HS3ST2: variants seen among roughly 807,000 people sequenced by gnomAD.
HS3ST2 encodes heparan sulfate glucosamine 3-O-sulfotransferase 2.
Under a neutral mutation model 26.3 loss-of-function variants are expected in HS3ST2, and 17 were observed. The ratio of observed to expected loss-of-function variants is 0.65; its 90% confidence interval spans 0.44 to 0.97. The LOEUF (loss-of-function observed/expected upper bound fraction) is 0.97. HS3ST2 is among the 50% of genes least tolerant of loss of function. The pLI is 0.00. For missense variants in HS3ST2, 402 were observed against 501.2 expected (o/e 0.80, Z 1.89); for synonymous variants, 237 against 219.2 (o/e 1.08, Z -0.72).
intron 1 of HS3ST2, among the ~76,000 whole-genome samples, chr16:22,835,844 G>T (rs1271528554): frequency 6.6e-6 from 1 of 152,126 alleles, no homozygotes; most frequent in East Asian, 1.9e-4. Context: ...CAGCAACTTA[G>T]CTTCTTTATT....
chr16:22,858,460 A>G (rs531208666), intron 1 of HS3ST2, among the ~76,000 whole-genome samples: 3 of 152,168 alleles, frequency 2.0e-5, no homozygotes, highest in African/African-American at 7.2e-5. Flanking sequence ...AAGACAATCA[A>G]GATGTTTTAT....
intron 1 of HS3ST2, among the ~76,000 whole-genome samples, chr16:22,898,477 G>A (rs1596630500): frequency 6.6e-6 from 1 of 152,172 alleles, no homozygotes; most frequent in East Asian, 1.9e-4. Context: ...TATTCTAACT[G>A]AGACCTGAGC....
intron 1 of HS3ST2, among the ~76,000 whole-genome samples, chr16:22,857,375 T>C (rs1030999259): frequency 1.3e-5 from 2 of 152,216 alleles, no homozygotes; most frequent in Non-Finnish European, 2.9e-5. Flanking sequence ...AGAAAGCACC[T>C]CTTTGTGATT....
At chr16:22,820,176 C>CCG (rs1306873030) in intron 1 of HS3ST2, among the ~76,000 whole-genome samples, 1 of 152,190 alleles carries the variant, frequency 6.6e-6, no homozygotes, top group African/African-American at 2.4e-5. Flanking sequence ...TAAACCCCCC[C>CCG]CCATTTGTCT....
chr16:22,868,177 G>A (rs1168992935), intron 1 of HS3ST2, among the ~76,000 whole-genome samples: 2 of 152,074 alleles, frequency 1.3e-5, no homozygotes, highest in Admixed American at 1.3e-4. Context: ...GGAGGCGGAG[G>A]TGGGCAGATC....
intron 1 of HS3ST2, among the ~76,000 whole-genome samples, chr16:22,846,606 A>G (rs888543496): frequency 1.3e-5 from 2 of 152,178 alleles, no homozygotes; most frequent in African/African-American, 4.8e-5. Context: ...CACCGATTAG[A>G]CTGGCAAAAA....
At chr16:22,850,793 CA>C (rs1281817170) in intron 1 of HS3ST2, among the ~76,000 whole-genome samples, 4 of 152,040 alleles carry the variant, frequency 2.6e-5, no homozygotes, top group Non-Finnish European at 5.9e-5. Flanking sequence ...TCTCAAAAAA[CA>C]AAAACAACAG....
intron 1 of HS3ST2, among the ~76,000 whole-genome samples, chr16:22,865,252 G>A (rs1330478883): frequency 2.0e-5 from 3 of 151,846 alleles, no homozygotes; most frequent in Non-Finnish European, 2.9e-5. Flanking sequence ...TGTAAATAAT[G>A]TCCAAAAAAA....
chr16:22,815,005 A>C lies in HS3ST2; in HGVS notation c.395A>C (p.Glu132Ala), dbSNP rs747676458. ...VKKGGTRAVL[E>A]FIRVHPDVRA... ...AAGGGGGGCACCCGGGCCGTGCTGGAGTTTATCCGAGTACACCCGGACGTG... is the reference window on the plus strand; with the variant it reads ...AAGGGGGGCACCCGGGCCGTGCTGGCGTTTATCCGAGTACACCCGGACGTG... Residue 132 changes from glutamate to alanine, a missense_variant, in exon 1 of 2, where the codon GAG (glutamate) becomes GCG (alanine). Around this residue, in one of 2 missense-constraint regions of HS3ST2, gnomAD observed 237 missense variants for 346.6 expected, o/e 0.68. Transcript: ENST00000261374. 6.2e-7 allele frequency: 1 copy of C among 1,613,064 alleles called. No individual in the cohort carries two copies. Among genetic ancestry groups the C allele is most frequent in the Non-Finnish European group, 8.5e-7 (1 of 1,179,986 alleles).
intron 1 of HS3ST2, among the ~76,000 whole-genome samples, chr16:22,845,561 C>T (rs1025134588): frequency 2.0e-5 from 3 of 150,812 alleles, no homozygotes; most frequent in African/African-American, 7.3e-5. Flanking sequence ...CTATGTTGGC[C>T]AGGCTGGTCT....
At chr16:22,862,069 T>A (rs1013936405) in intron 1 of HS3ST2, among the ~76,000 whole-genome samples, 1 of 152,142 alleles carries the variant, frequency 6.6e-6, no homozygotes, top group Admixed American at 6.5e-5. Context: ...GCTCCATGAG[T>A]AGGGGTTTTT....
intron 1 of HS3ST2, among the ~76,000 whole-genome samples, chr16:22,865,824 A>T (rs912969760): frequency 6.6e-6 from 1 of 152,180 alleles, no homozygotes; most frequent in African/African-American, 2.4e-5. Flanking sequence ...TGGGGGGAAA[A>T]TGTGTAGTAG....
chr16:22,844,941 G>A (rs770013617), intron 1 of HS3ST2, among the ~76,000 whole-genome samples: 6 of 151,028 alleles, frequency 4.0e-5, no homozygotes, highest in Admixed American at 6.6e-5. Context: ...TGCAAGCTTC[G>A]CCTCCCAGGT....
intron 1 of HS3ST2, among the ~76,000 whole-genome samples, chr16:22,868,405 CAAA>C (rs77630354): frequency 4.6e-5 from 2 of 43,506 alleles, no homozygotes; most frequent in Non-Finnish European, 9.8e-5. Context: ...AAGACTCCAT[CAAA>C]AAAAAAAAAA....
chr16:22,900,409 G>C (rs1902267075), intron 1 of HS3ST2, among the ~76,000 whole-genome samples: 1 of 152,184 alleles, frequency 6.6e-6, no homozygotes, highest in Non-Finnish European at 1.5e-5. Context: ...AAGCTAGAAA[G>C]TAGAGCCTAG....
intron 1 of HS3ST2, among the ~76,000 whole-genome samples, chr16:22,904,629 G>C (rs916401299): frequency 1.6e-4 from 24 of 152,166 alleles, no homozygotes; most frequent in African/African-American, 5.3e-4. Context: ...TCATGCAAAG[G>C]GTACAACATG....
In HS3ST2 at chr16:22,867,528, TAAAC is replaced by T. The variant is rs1420157235; in HGVS notation, c.486-47413_486-47410del. On this transcript the variant is annotated intron_variant, in intron 1 of 1. Coordinates refer to ENST00000261374, the MANE Select transcript of HS3ST2 (RefSeq NM_006043.2). ...TTATGACATATAAACAAGAAAGAGATAAACAACCTAACAAGTTGTGCAATGAACA... is the reference window on the plus strand; with the variant it reads ...TTATGACATATAAACAAGAAAGAGATAACCTAACAAGTTGTGCAATGAACA... Among the ~76,000 whole-genome samples the T allele has an allele frequency of 2.0e-5, 3 of 152,240 alleles. No homozygotes were observed. In the East Asian group the frequency reaches 5.8e-4, roughly 29 times the overall value.
rs369600173 is a variant in HS3ST2, at chr16:22,897,653, C to T, written c.486-17291C>T. ...TTCTAAAATACATTAAAATAAGCATCTTTGCCTTGCCTAACTTTAATGAGA... is the reference window on the plus strand; with the variant it reads ...TTCTAAAATACATTAAAATAAGCATTTTTGCCTTGCCTAACTTTAATGAGA... On this transcript the variant is annotated intron_variant, in intron 1 of 1. Coordinates refer to ENST00000261374, the MANE Select transcript of HS3ST2 (RefSeq NM_006043.2). Among the ~76,000 whole-genome samples, 15 of 24,846 alleles carry T rather than the reference C, an allele frequency of 6.0e-4. 3 individuals are homozygous for T. The Admixed American group carries it at 6.5e-3, about 11-fold the overall frequency. The allele number at this position is 24,846 out of a possible 152,430, so 16.3% of individuals were successfully genotyped here.
In HS3ST2 at chr16:22,853,131, C is replaced by A. The variant is rs149765249; in HGVS notation, c.485+38036C>A. On this transcript the variant is annotated intron_variant, in intron 1 of 1. Transcript: ENST00000261374. Reference sequence around the variant, plus strand: ...TTTACATCTGCACACACCTGTGTAACCAGTACCCAGATCAAGGTCTGGGAC... The same window carrying A: ...TTTACATCTGCACACACCTGTGTAAACAGTACCCAGATCAAGGTCTGGGAC... Among the ~76,000 whole-genome samples the A allele has an allele frequency of 4.1e-3, 627 of 152,286 alleles. 5 individuals carry two copies. Among genetic ancestry groups the A allele is most frequent in the African/African-American group, 0.014 (596 of 41,548 alleles).
Sources: gnomAD v4.1 joint callset for allele counts (sites outside exome capture counted in the v4.1 genomes callset) on GRCh38, gnomAD v4.1.1 for gene constraint, gnomAD v4.1.1 regional missense constraint, MANE v1.5 for transcripts, NCBI Gene and HGNC (gene_info 2026-07-23, HGNC 2026-07-21) for gene names.